FGGY: variants seen among roughly 807,000 people sequenced by gnomAD.
FGGY encodes the protein FGGY carbohydrate kinase domain containing.
Under a neutral mutation model 71.3 loss-of-function variants are expected in FGGY, and 72 were observed. The observed-to-expected ratio is 1.01, with a 90% confidence interval of 0.84 to 1.23. The LOEUF is 1.23. Ranked by LOEUF, FGGY falls within the 50% of genes most tolerant of loss-of-function variation. FGGY has a pLI of 0.00. For missense variants in FGGY, 668 were observed against 682.3 expected, an observed-to-expected ratio of 0.98 and a Z score of 0.23; for synonymous variants, 251 against 250.3, an observed-to-expected ratio of 1.00 and a Z score of -0.02.
At chr1:59,582,135 G>A (rs1439492682) in intron 8 of FGGY, among the ~76,000 whole-genome samples, 1 of 149,496 alleles carries the variant, frequency 6.7e-6, no homozygotes, top group African/African-American at 2.5e-5. Flanking sequence ...TGTAGTCCCA[G>A]CTACTTGGGA....
intron 7 of FGGY, 127 bp from the exon 8 acceptor site, chr1:59,553,997 C>T (rs2095647381): frequency 1.4e-6 from 1 of 716,872 alleles, no homozygotes; most frequent in Non-Finnish European, 2.3e-6. Flanking sequence ...GACTGCCCTA[C>T]ACACAGGACC....
intron 6 of FGGY, among the ~76,000 whole-genome samples, chr1:59,481,390 C>T (rs372598948): frequency 5.3e-5 from 8 of 152,266 alleles, no homozygotes; most frequent in African/African-American, 1.9e-4. Context: ...GGAGCCCCAT[C>T]CAACCTGGGT....
Position 59,753,463 on chromosome 1 carries a change from T to C in FGGY, c.1513-4468T>C, listed in dbSNP as rs1291180054. Reference sequence around the variant, plus strand: ...TTTTGACTGTCTTTATAAGCATAACTTTAAATATATATATATATATATATA... The same window carrying C: ...TTTTGACTGTCTTTATAAGCATAACCTTAAATATATATATATATATATATA... On this transcript the variant is annotated intron_variant, in intron 14 of 15. Coordinates refer to ENST00000303721, the MANE Select transcript of FGGY (RefSeq NM_018291.5). Among the ~76,000 whole-genome samples the C allele has an allele frequency of 4.7e-5, 5 of 106,092 alleles. No individual in the cohort carries two copies. In the Admixed American group the frequency reaches 5.3e-4, roughly 11 times the overall value. The allele number at this position is 106,092 out of a possible 152,430, so 69.6% of individuals were successfully genotyped here.
At chr1:59,466,918 T>G (rs1333696446) in intron 6 of FGGY, among the ~76,000 whole-genome samples, 1 of 152,194 alleles carries the variant, frequency 6.6e-6, no homozygotes, top group African/African-American at 2.4e-5. Context: ...TGTAAACTAG[T>G]TCAACCATTG....
intron 14 of FGGY, among the ~76,000 whole-genome samples, chr1:59,734,301 TCA>T (rs890611469): frequency 6.6e-6 from 1 of 152,142 alleles, no homozygotes; most frequent in African/African-American, 2.4e-5. Context: ...CCTCCTGGGC[TCA>T]CGTGATCCTC....
intron 14 of FGGY, among the ~76,000 whole-genome samples, chr1:59,717,919 G>C (rs146604532): frequency 1.3e-5 from 2 of 152,198 alleles, no homozygotes; most frequent in East Asian, 3.9e-4. Flanking sequence ...TATTAGATTG[G>C]GGGTATTATC....
intron 5 of FGGY, among the ~76,000 whole-genome samples, chr1:59,405,507 A>G (rs1022127587): frequency 6.6e-6 from 1 of 152,228 alleles, no homozygotes; most frequent in African/African-American, 2.4e-5. Context: ...ACCTTGTACA[A>G]TAATTTCTGC....
intron 8 of FGGY, among the ~76,000 whole-genome samples, chr1:59,587,168 G>A (rs1245768007): frequency 1.3e-5 from 2 of 152,194 alleles, no homozygotes; most frequent in East Asian, 3.9e-4. Context: ...GGAGGGTCCT[G>A]CACCCACGGA....
chr1:59,650,962 G>A (rs868607366), intron 11 of FGGY, among the ~76,000 whole-genome samples: 79 of 151,200 alleles, frequency 5.2e-4, no homozygotes, highest in African/African-American at 1.8e-3. Flanking sequence ...CTTTGTTCTC[G>A]TTGGTTTCAA....
intron 8 of FGGY, among the ~76,000 whole-genome samples, chr1:59,579,034 C>A (rs1023299753): frequency 2.6e-5 from 4 of 152,134 alleles, no homozygotes; most frequent in East Asian, 3.9e-4. Flanking sequence ...TGAGCCCAAT[C>A]AGACATTTGT....
intron 5 of FGGY, among the ~76,000 whole-genome samples, chr1:59,456,569 C>T (rs528373970): frequency 3.8e-4 from 58 of 152,092 alleles, no homozygotes; most frequent in Middle Eastern, 3.4e-3. Context: ...CTGCCTCAGC[C>T]TCCCGAGTAG....
rs1570029027 is a variant in FGGY, at chr1:59,491,061, T to TC, written c.671-21248dup. Among the ~76,000 whole-genome samples the TC allele has an allele frequency of 5.1e-4, 9 of 17,766 alleles. 2 individuals carry two copies. Among genetic ancestry groups the TC allele is most frequent in the East Asian group, 2.8e-3 (3 of 1,088 alleles). The allele number at this position is 17,766 out of a possible 152,430, so 11.7% of individuals were successfully genotyped here. A position where few individuals can be genotyped will look rare whatever the true frequency, so the allele number is the denominator to read the frequency against. ...TTCCTTCCTTCCTTCCTTCCTTCCT[T>TC]CCTTCCTTCCTTCCTTCCTTCCTTC... On this transcript the variant is annotated intron_variant, in intron 6 of 15. Transcript: ENST00000303721.
chr1:59,542,184 C>T (rs2095449657), intron 7 of FGGY, among the ~76,000 whole-genome samples: 1 of 152,194 alleles, frequency 6.6e-6, no homozygotes, highest in African/African-American at 2.4e-5. Flanking sequence ...CTTGTTTGTC[C>T]TCTCTTGAAG....
chr1:59,368,464 C>T (rs913338380), intron 4 of FGGY, among the ~76,000 whole-genome samples: 1 of 152,166 alleles, frequency 6.6e-6, no homozygotes, highest in South Asian at 2.1e-4. Context: ...GGGCTAAGCC[C>T]TTGTGGTCTG....
chr1:59,589,343 C>A (rs1466973601), intron 8 of FGGY, among the ~76,000 whole-genome samples: 1 of 152,106 alleles, frequency 6.6e-6, no homozygotes, highest in Non-Finnish European at 1.5e-5. Context: ...TAATGGGAGA[C>A]TTTAACACCC....
At chr1:59,659,926 A>T (rs2097258984) in intron 11 of FGGY, among the ~76,000 whole-genome samples, 1 of 152,198 alleles carries the variant, frequency 6.6e-6, no homozygotes, top group Non-Finnish European at 1.5e-5. Flanking sequence ...ATGTTTTAAA[A>T]TAAAAAGTAT....
At chr1:59,507,684 ATTTTT>A (rs561953004) in intron 6 of FGGY, among the ~76,000 whole-genome samples, 11 of 106,908 alleles carry the variant, frequency 1.0e-4, no homozygotes, top group African/African-American at 3.3e-4. Context: ...TGCTTGGCTA[ATTTTT>A]TTTTTTTTTT....
chr1:59,405,271 A>C (rs555891155), intron 5 of FGGY, among the ~76,000 whole-genome samples: 1 of 152,214 alleles, frequency 6.6e-6, no homozygotes, highest in African/African-American at 2.4e-5. Flanking sequence ...TGTTAATGGC[A>C]TAAGAAATGA....
intron 7 of FGGY, among the ~76,000 whole-genome samples, chr1:59,552,114 G>A (rs980942898): frequency 6.6e-6 from 1 of 152,176 alleles, no homozygotes; most frequent in Non-Finnish European, 1.5e-5. Flanking sequence ...GGGAGGTGGT[G>A]TTCTCATAGT....
Sources: gnomAD v4.1 joint callset for allele counts (sites outside exome capture counted in the v4.1 genomes callset) on GRCh38, gnomAD v4.1.1 for gene constraint, MANE v1.5 for transcripts, NCBI Gene and HGNC (gene_info 2026-07-23, HGNC 2026-07-21) for gene names.